PCDH15: variants seen among roughly 807,000 people sequenced by gnomAD.
PCDH15 encodes the protein protocadherin related 15.
PCDH15 carries 129 observed loss-of-function variants against 178.5 expected under a neutral mutation model. The ratio of observed to expected loss-of-function variants is 0.72; its 90% CI spans 0.63 to 0.84. The LOEUF (loss-of-function observed/expected upper bound fraction) is 0.84. Ranked by LOEUF, PCDH15 falls within the 40% of genes least tolerant of loss-of-function variation. The probability of loss-of-function intolerance (pLI) is 0.00; values close to 1 mark genes in which losing one functional copy is unlikely to be tolerated. For missense variants in PCDH15, 2,230 were observed against 2,099.9 expected (o/e 1.06, Z -1.21); for synonymous variants, 800 against 732.0 (o/e 1.09, Z -1.50).
intron 2 of PCDH15, among the ~76,000 whole-genome samples, chr10:54,595,995 G>A (rs1332965680): frequency 6.6e-6 from 1 of 152,056 alleles, no homozygotes; most frequent in Non-Finnish European, 1.5e-5. Context: ...TGACTCATTG[G>A]TGTCCCCGAA....
intron 25 of PCDH15, among the ~76,000 whole-genome samples, chr10:53,935,132 A>G (rs1406353450): frequency 1.3e-5 from 2 of 152,174 alleles, no homozygotes; most frequent in African/African-American, 4.8e-5. Flanking sequence ...ATTTTTTTAC[A>G]GTAATGCTTC....
chr10:55,358,569 A>T (rs1845137009), intron 2 of PCDH15, among the ~76,000 whole-genome samples: 1 of 152,114 alleles, frequency 6.6e-6, no homozygotes. Context: ...TTGTTGTAAT[A>T]ATATAATAGT....
At chr10:53,823,541 A>T in intron 32 of PCDH15, 2 of 741,596 alleles carry the variant, frequency 2.7e-6, no homozygotes, top group Non-Finnish European at 5.0e-6. Context: ...AGGGCAGAAA[A>T]ATCTTAGAGT....
intron 3 of PCDH15, among the ~76,000 whole-genome samples, chr10:54,832,842 A>G (rs950704417): frequency 9.9e-5 from 15 of 152,198 alleles, no homozygotes; most frequent in African/African-American, 3.4e-4. Flanking sequence ...CAAATATCAC[A>G]GAAGTGGTGA....
chr10:53,964,418 TTTA>T (rs1411891700), intron 21 of PCDH15, among the ~76,000 whole-genome samples: 2 of 132,566 alleles, frequency 1.5e-5, no homozygotes, highest in Non-Finnish European at 3.6e-5. Flanking sequence ...TTTTATAAAT[TTTA>T]TTTATTCATA....
chr10:54,437,883 T>C (rs2075528141), intron 3 of PCDH15, among the ~76,000 whole-genome samples: 1 of 152,208 alleles, frequency 6.6e-6, no homozygotes, highest in Non-Finnish European at 1.5e-5. Context: ...AAATACTTTT[T>C]TTGTTCCCTC....
chr10:55,382,683 C>A (rs965349105), intron 2 of PCDH15, among the ~76,000 whole-genome samples: 4 of 152,110 alleles, frequency 2.6e-5, no homozygotes, highest in Admixed American at 1.3e-4. Context: ...ACTAATATGC[C>A]CACACAAATT....
chr10:54,165,619 C>T (rs937549365), intron 13 of PCDH15, among the ~76,000 whole-genome samples: 26 of 152,108 alleles, frequency 1.7e-4, no homozygotes, highest in African/African-American at 5.8e-4. Flanking sequence ...GCCCAACTTA[C>T]ACTCTCAAAA....
intron 2 of PCDH15, among the ~76,000 whole-genome samples, chr10:55,569,192 A>G (rs1263218144): frequency 6.6e-6 from 1 of 152,064 alleles, no homozygotes; most frequent in African/African-American, 2.4e-5. Context: ...AAGAATGACT[A>G]CCATAAATAT....
At position 55,514,987 on chromosome 10, in the gene PCDH15, A is replaced by T. The variant is rs1368177782; in HGVS notation, c.-156+112638T>A. ...TATATATAGATAGATAGATAGATAG[A>T]TTTTTTTTTTTTTTTTTTTTGAGAT... On this transcript the variant is annotated intron_variant, in intron 2 of 5. Transcript: ENST00000613346. Among the ~76,000 whole-genome samples the T allele has an allele frequency of 6.7e-5, 8 of 120,242 alleles. No individual in the cohort carries two copies. The South Asian group carries it at 8.9e-4, about 13-fold the overall frequency. 78.9% of individuals were successfully genotyped at this position (120,242 alleles called of 152,430 possible). A position where few individuals can be genotyped will look rare whatever the true frequency, so the allele number is the denominator to read the frequency against.
chr10:54,332,931 A>C (rs1940157810), intron 6 of PCDH15, among the ~76,000 whole-genome samples: 1 of 151,796 alleles, frequency 6.6e-6, no homozygotes, highest in Non-Finnish European at 1.5e-5. Context: ...TACTTTTTAT[A>C]TGTATGTATT....
intron 2 of PCDH15, among the ~76,000 whole-genome samples, chr10:54,973,077 T>C (rs1326481471): frequency 6.6e-6 from 1 of 151,930 alleles, no homozygotes; most frequent in Non-Finnish European, 1.5e-5. Context: ...AGTAAAAATA[T>C]AGAGAATACA....
intron 3 of PCDH15, among the ~76,000 whole-genome samples, chr10:54,880,472 C>A (rs563910673): frequency 1.2e-4 from 19 of 152,046 alleles, no homozygotes; most frequent in African/African-American, 4.6e-4. Flanking sequence ...TAGAAGCATT[C>A]TTCTAACAAT....
chr10:54,094,401 C>G lies in PCDH15; in HGVS notation c.1918-4338G>C, dbSNP rs528033482. ...TTTACACTTATAGAAGTGATCATGA[C>G]AGACTTACTGAAAATGTGAAATTTT... On this transcript the variant is annotated intron_variant, in intron 15 of 37. Coordinates refer to ENST00000644397, the MANE Select transcript of PCDH15 (RefSeq NM_001384140.1). Among the ~76,000 whole-genome samples the G allele has an allele frequency of 2.0e-5, 3 of 152,240 alleles. No individual in the cohort carries two copies. The South Asian group carries it at 6.2e-4, about 32-fold the overall frequency.
intron 2 of PCDH15, among the ~76,000 whole-genome samples, chr10:55,521,244 G>A (rs966094026): frequency 6.6e-6 from 1 of 151,888 alleles, no homozygotes; most frequent in African/African-American, 2.4e-5. Flanking sequence ...TGATGCAAAT[G>A]GCAAGATTTT....
At chr10:54,015,395 A>G (rs1366708316) in intron 20 of PCDH15, among the ~76,000 whole-genome samples, 1 of 131,340 alleles carries the variant, frequency 7.6e-6, no homozygotes, top group Non-Finnish European at 1.7e-5. Context: ...CACAAGAAAA[A>G]TGTATTCTAA....
At chr10:53,997,907 T>C (rs2091931993) in intron 20 of PCDH15, among the ~76,000 whole-genome samples, 1 of 152,344 alleles carries the variant, frequency 6.6e-6, no homozygotes, top group Non-Finnish European at 1.5e-5. Flanking sequence ...GTTATAATCT[T>C]TCATTGTGGT....
chr10:54,432,907 C>T (rs1452167024), intron 3 of PCDH15, among the ~76,000 whole-genome samples: 2 of 151,886 alleles, frequency 1.3e-5, no homozygotes, highest in East Asian at 3.9e-4. Context: ...TTAAAATTGG[C>T]AAATATCAAA....
chr10:54,145,070 T>A (rs975718936), intron 14 of PCDH15, among the ~76,000 whole-genome samples: 2 of 152,072 alleles, frequency 1.3e-5, no homozygotes, highest in African/African-American at 2.4e-5. Flanking sequence ...AATTTTAAAT[T>A]ATTAATACTG....
Sources: gnomAD v4.1 joint callset for allele counts (sites outside exome capture counted in the v4.1 genomes callset) on GRCh38, gnomAD v4.1.1 for gene constraint, MANE v1.5 for transcripts, NCBI Gene and HGNC (gene_info 2026-07-23, HGNC 2026-07-21) for gene names.